TMEM132D: variants seen among roughly 807,000 people sequenced by gnomAD.
TMEM132D encodes the protein mature OL transmembrane protein.
Under a neutral mutation model 62.3 loss-of-function variants are expected in TMEM132D, and 21 were observed. The observed-to-expected ratio is 0.34, with a 90% confidence interval of 0.24 to 0.49. The LOEUF (loss-of-function observed/expected upper bound fraction) is 0.49, where lower values mean the gene tolerates loss of function less well. Among genes scored for constraint, TMEM132D ranks in the 20% least tolerant of loss-of-function variants. TMEM132D has a pLI of 0.99. For synonymous variants in TMEM132D, 621 were observed against 575.6 expected (o/e 1.08, Z -1.13); for missense variants, 1,346 against 1,402.8 (o/e 0.96, Z 0.65).
At position 129,867,073 on chromosome 12, in the gene TMEM132D, C is replaced by T. The variant is rs747021923; in HGVS notation, c.79+36188G>A. Among the ~76,000 whole-genome samples, 17 of 135,288 alleles carry T rather than the reference C, an allele frequency of 1.3e-4. No homozygotes were observed. The highest frequency in any genetic ancestry group is 1.8e-4 in the Non-Finnish European group (11 of 61,358). The allele number at this position is 135,288 out of a possible 152,430, so 88.8% of individuals were successfully genotyped here. A position where few individuals can be genotyped will look rare whatever the true frequency, so the allele number is the denominator to read the frequency against. On this transcript the variant is annotated intron_variant, in intron 1 of 8. Transcript: ENST00000422113. This position sits in a 1 kb window ranked among gnomAD's most constrained non-coding sequence, Gnocchi z 4.5. ...GACCAGACTGGGCAACACGGAAAAACCCCAAAACCCTGTCTCTACAAAAAA... is the reference window on the plus strand; with the variant it reads ...GACCAGACTGGGCAACACGGAAAAATCCCAAAACCCTGTCTCTACAAAAAA...
intron 3 of TMEM132D, among the ~76,000 whole-genome samples, chr12:129,472,573 C>T (rs970745384): frequency 2.0e-5 from 3 of 152,042 alleles, no homozygotes; most frequent in African/African-American, 4.8e-5. Flanking sequence ...ATGTTCAGCA[C>T]GTGTATCCCG....
chr12:129,540,718 C>A (rs1308466190), intron 2 of TMEM132D, among the ~76,000 whole-genome samples: 1 of 152,160 alleles, frequency 6.6e-6, no homozygotes, highest in Admixed American at 6.5e-5. Flanking sequence ...AACTCCTGGC[C>A]TCAAGTGATC....
intron 1 of TMEM132D, among the ~76,000 whole-genome samples, chr12:129,896,174 G>A (rs907445360): frequency 4.6e-5 from 7 of 151,550 alleles, no homozygotes; most frequent in Non-Finnish European, 1.0e-4. Context: ...TTGTAGAGAT[G>A]GAGTCTTGCT....
rs747477854 is a variant in TMEM132D at position 129,573,839 on chromosome 12, A to G, written c.969-42634T>C. Among the ~76,000 whole-genome samples the G allele has an allele frequency of 1.7e-4, 25 of 149,944 alleles. 1 individual carries two copies. Among genetic ancestry groups the G allele is most frequent in the Middle Eastern group, 3.4e-3 (1 of 294 alleles). ...ATTCCGTGTGAAAGAAGTGTTACAC[A>G]GAAGCGTGGATATTGTATCCTTCCA... is the stretch of plus-strand genomic sequence containing the variant. On this transcript the variant is annotated intron_variant, in intron 2 of 8. Coordinates refer to ENST00000422113, the MANE Select transcript of TMEM132D (RefSeq NM_133448.3).
At position 129,545,851 on chromosome 12, in the gene TMEM132D, T is replaced by C. The variant is rs368989029; in HGVS notation, c.969-14646A>G. On this transcript the variant is annotated intron_variant, in intron 2 of 8. Coordinates refer to ENST00000422113, the MANE Select transcript of TMEM132D (RefSeq NM_133448.3). ...GTTCCACTCTGGTGAGAACACTTGGTTTAACTCTTCAGGTAAAACCGTCTC... is the reference window on the plus strand; with the variant it reads ...GTTCCACTCTGGTGAGAACACTTGGCTTAACTCTTCAGGTAAAACCGTCTC... 6.6e-5 allele frequency among the ~76,000 whole-genome samples: 10 copies of C among 152,312 alleles called. No homozygotes were observed. The East Asian group carries it at 1.2e-3, about 18-fold the overall frequency.
chr12:129,882,760 TAAG>T (rs962835787), intron 1 of TMEM132D, among the ~76,000 whole-genome samples: 2 of 152,186 alleles, frequency 1.3e-5, no homozygotes, highest in Admixed American at 6.5e-5. Context: ...ACATTGTTTT[TAAG>T]AAGGAAAACC....
At chr12:129,128,835 C>T (rs981122275) in intron 5 of TMEM132D, among the ~76,000 whole-genome samples, 3 of 152,046 alleles carry the variant, frequency 2.0e-5, no homozygotes, top group African/African-American at 7.2e-5. Flanking sequence ...CCAACTTATA[C>T]ATGAGATCAT....
chr12:129,181,630 A>G (rs2135551314), intron 5 of TMEM132D, among the ~76,000 whole-genome samples: 1 of 151,842 alleles, frequency 6.6e-6, no homozygotes, highest in Non-Finnish European at 1.5e-5. Flanking sequence ...TTGAGGCCCC[A>G]CCCCAGCTCG....
chr12:129,682,299 C>G (rs1188993972), intron 2 of TMEM132D, among the ~76,000 whole-genome samples: 1 of 152,164 alleles, frequency 6.6e-6, no homozygotes, highest in Non-Finnish European at 1.5e-5. Context: ...GTTCACCTTA[C>G]TCTGTTTATA....
chr12:129,546,571 G>A (rs978516648), intron 2 of TMEM132D, among the ~76,000 whole-genome samples: 1 of 152,064 alleles, frequency 6.6e-6, no homozygotes, highest in East Asian at 1.9e-4. Context: ...AAGCTGCAAG[G>A]TGGGTGGATC....
chr12:129,088,817 G>GA (rs1304973804), intron 5 of TMEM132D, among the ~76,000 whole-genome samples: 1 of 43,350 alleles, frequency 2.3e-5, no homozygotes, highest in African/African-American at 9.3e-5. Flanking sequence ...CCCTGACCGG[G>GA]TGTCCTCCAT....
At chr12:129,860,655 C>T (rs757315414) in intron 1 of TMEM132D, among the ~76,000 whole-genome samples, 6 of 152,090 alleles carry the variant, frequency 3.9e-5, no homozygotes, top group African/African-American at 1.2e-4. Context: ...TCCATTCTCA[C>T]GCTGCTATAA....
intron 3 of TMEM132D, among the ~76,000 whole-genome samples, chr12:129,425,302 G>C (rs1872460649): frequency 6.6e-6 from 1 of 151,888 alleles, no homozygotes; most frequent in Non-Finnish European, 1.5e-5. Flanking sequence ...GGAAATTTTT[G>C]TATTTAATGT....
intron 1 of TMEM132D, among the ~76,000 whole-genome samples, chr12:129,750,778 G>A (rs1214248017): frequency 1.3e-5 from 2 of 152,068 alleles, no homozygotes; most frequent in Non-Finnish European, 2.9e-5. Flanking sequence ...GCCATAGTAG[G>A]GTGACTAGCA....
intron 4 of TMEM132D, among the ~76,000 whole-genome samples, chr12:129,251,981 T>G (rs1363341627): frequency 6.6e-6 from 1 of 152,174 alleles, no homozygotes; most frequent in African/African-American, 2.4e-5. Flanking sequence ...ACACCCACCC[T>G]ATACTTTTAT....
intron 3 of TMEM132D, among the ~76,000 whole-genome samples, chr12:129,477,207 A>C (rs935123375): frequency 1.3e-5 from 2 of 152,192 alleles, no homozygotes; most frequent in African/African-American, 4.8e-5. Flanking sequence ...GTCTCCAGAC[A>C]TTGCCGAAGT....
intron 1 of TMEM132D, among the ~76,000 whole-genome samples, chr12:129,790,196 A>AG (rs1871364267): frequency 6.6e-6 from 1 of 152,156 alleles, no homozygotes; most frequent in Non-Finnish European, 1.5e-5. Flanking sequence ...GGCAGCATCT[A>AG]GGGGGATGCC....
intron 1 of TMEM132D, among the ~76,000 whole-genome samples, chr12:129,870,624 A>C (rs1874211467): frequency 6.6e-6 from 1 of 152,132 alleles, no homozygotes; most frequent in South Asian, 2.1e-4. Context: ...CCTGAGTTAA[A>C]TCCTTTATCA....
At chr12:129,669,839 C>T (rs1401841579) in intron 2 of TMEM132D, among the ~76,000 whole-genome samples, 1 of 152,192 alleles carries the variant, frequency 6.6e-6, no homozygotes, top group Non-Finnish European at 1.5e-5. Context: ...ACCGTGGTCA[C>T]TTAAACACTG....
Sources: gnomAD v4.1 joint callset for allele counts (sites outside exome capture counted in the v4.1 genomes callset) on GRCh38, gnomAD v4.1.1 for gene constraint, Gnocchi (gnomAD v3.1) non-coding constraint, MANE v1.5 for transcripts, NCBI Gene and HGNC (gene_info 2026-07-23, HGNC 2026-07-21) for gene names.